SLC15A1: variants seen among roughly 807,000 people sequenced by gnomAD.
The protein encoded by SLC15A1 is solute carrier family 15 member 1.
SLC15A1 carries 83 observed loss-of-function variants against 92.9 expected under a neutral mutation model. That is an observed-to-expected ratio of 0.89 (90% CI 0.75 to 1.07). The LOEUF (loss-of-function observed/expected upper bound fraction) is 1.07. Among genes scored for constraint, SLC15A1 ranks in the 50% least tolerant of loss-of-function variants. SLC15A1 has a pLI of 0.00. For missense variants in SLC15A1, 857 were observed against 880.1 expected (o/e 0.97, Z 0.33); for synonymous variants, 322 against 318.2 (o/e 1.01, Z -0.13).
intron 1 of SLC15A1, among the ~76,000 whole-genome samples, chr13:98,728,993 AAAAAAAAAAAAAACAAC>A (rs1718165084): frequency 1.4e-5 from 2 of 147,038 alleles, no homozygotes; most frequent in Admixed American, 1.4e-4. Flanking sequence ...AAAAAAAAAA[AAAAAAAAAAAAAACAAC>A]AAGCCCCAAA....
rs748766815 is a variant in SLC15A1 at position 98,704,343 on chromosome 13, G to C, written c.1362C>G (p.Phe454Leu). 3 of 1,613,990 alleles carry C rather than the reference G, an allele frequency of 1.9e-6. No homozygotes were observed. The highest frequency in any genetic ancestry group is 4.5e-5 in the East Asian group (2 of 44,868). ...GAAGCGTGTGGCGTTGGCCCTGCTT[G>C]AAGTCGTCAGTTACAGCAGTGACTG... ...GSPVTAVTDDFKQGQRHTLLV... is the reference protein window; with the variant it reads ...GSPVTAVTDDLKQGQRHTLLV... Residue 454 changes from phenylalanine to leucine, a missense_variant, in exon 17 of 23, where the codon TTC becomes TTG. Phe to Leu is a conservative substitution (Grantham distance 22). Transcript: ENST00000376503.
chr13:98,704,618 C>T (rs760342520), intron 16 of SLC15A1, among the ~76,000 whole-genome samples, 183 bp from the exon 17 acceptor site: 36 of 152,196 alleles, frequency 2.4e-4, no homozygotes, highest in South Asian at 8.3e-4. Flanking sequence ...TTACAGACAC[C>T]GTCATGAGGT....
Position 98,715,933 on chromosome 13 carries a change from T to A in SLC15A1, c.668A>T (p.Tyr223Phe). 1 of 1,614,132 alleles carries A rather than the reference T, an allele frequency of 6.2e-7. No homozygotes were observed. The highest frequency in any genetic ancestry group is 8.5e-7 in the Non-Finnish European group (1 of 1,180,012). Residue 223 changes from tyrosine (Y) to phenylalanine (F), a missense_variant, in exon 9 of 23, where the codon TAC becomes TTC. By Grantham distance (22) the Tyr-to-Phe change is conservative. Transcript: ENST00000376503. The stretch of plus-strand genomic sequence containing the variant: ...GTTGCCCTGTGGCTTGAACTTCTTG[T>A]ACATCCCACTGCCAAGGACAAACAC... The part of the protein sequence containing the change: ...LIVFVLGSGM[Y>F]KKFKPQGNIM...
Position 98,726,449 on chromosome 13 carries a change from T to G in SLC15A1, c.22A>C (p.Ser8Arg), listed in dbSNP as rs368264683. ...ATGCTCAGGGGATAACCAAAGAAACTCTGACAAAAAAGAAACAAGCACAGG... is the reference window on the plus strand; with the variant it reads ...ATGCTCAGGGGATAACCAAAGAAACGCTGACAAAAAAGAAACAAGCACAGG... MGMSKSH[S>R]FFGYPLSIFF... Residue 8 changes from serine (S) to arginine (R), a missense_variant and splice_region_variant, in exon 3 of 23, where the codon AGT becomes CGT. Physicochemically the swap from Ser to Arg is moderately radical, Grantham distance 110 (BLOSUM62 -1). Coordinates refer to ENST00000376503, the MANE Select transcript of SLC15A1 (RefSeq NM_005073.4). The G allele has an allele frequency of 1.9e-6, 3 of 1,613,270 alleles. No individual in the cohort carries two copies. Among genetic ancestry groups the G allele is most frequent in the Non-Finnish European group, 2.5e-6 (3 of 1,179,608 alleles).
chr13:98,722,991 A>G (rs2088271709), intron 5 of SLC15A1, among the ~76,000 whole-genome samples: 1 of 152,220 alleles, frequency 6.6e-6, no homozygotes, highest in African/African-American at 2.4e-5. Flanking sequence ...TACTATTACA[A>G]CCAAGGAAAC....
At chr13:98,714,360 C>T (rs2088194019) in intron 9 of SLC15A1, among the ~76,000 whole-genome samples, 1 of 152,034 alleles carries the variant, frequency 6.6e-6, no homozygotes, top group African/African-American at 2.4e-5. Context: ...CAACACAATA[C>T]AACAATCTAA....
In SLC15A1 at chr13:98,704,482, C is replaced by G. The variant is rs781664717; in HGVS notation, c.1270-47G>C. 3 of 1,543,482 alleles carry G rather than the reference C, an allele frequency of 1.9e-6. No individual in the cohort carries two copies. The African/African-American group carries it at 4.2e-5, about 21-fold the overall frequency. ...CATAGTTAATATCACAGAGTCTCGG[C>G]ACTATGCAACTGAACGCTGGAAGAG... On this transcript the variant is annotated intron_variant, in intron 16 of 22. Transcript: ENST00000376503.
intron 18 of SLC15A1, among the ~76,000 whole-genome samples, chr13:98,692,136 CTTTTTT>C (rs528865683): frequency 0.17 from 11,183 of 64,816 alleles, 1,061 homozygotes; most frequent in Non-Finnish European, 0.29. Flanking sequence ...TTCTCCTAAA[CTTTTTT>C]TTTTTTTTTT....
intron 1 of SLC15A1, among the ~76,000 whole-genome samples, chr13:98,737,339 G>A (rs967620142): frequency 1.3e-5 from 2 of 152,174 alleles, no homozygotes; most frequent in African/African-American, 4.8e-5. Context: ...ACTGGGGCCT[G>A]TCATGGAGTG....
chr13:98,685,455 T>C (rs1303357479), intron 22 of SLC15A1, among the ~76,000 whole-genome samples: 1 of 152,096 alleles, frequency 6.6e-6, no homozygotes, highest in African/African-American at 2.4e-5. Flanking sequence ...AGTGTAAGTA[T>C]CAGTAGAGCC....
At chr13:98,704,811 T>G (rs2088098733) in intron 16 of SLC15A1, among the ~76,000 whole-genome samples, 2 of 152,194 alleles carry the variant, frequency 1.3e-5, no homozygotes, top group African/African-American at 4.8e-5. Context: ...TCGGGCTTTT[T>G]GTTTTTACCT....
intron 1 of SLC15A1, among the ~76,000 whole-genome samples, chr13:98,744,439 G>C (rs2088475589): frequency 6.6e-6 from 1 of 151,128 alleles, no homozygotes; most frequent in African/African-American, 2.4e-5. Context: ...CAAGTTTTCT[G>C]CCCACATGAT....
intron 18 of SLC15A1, among the ~76,000 whole-genome samples, chr13:98,692,979 T>G (rs1358752977): frequency 1.3e-5 from 2 of 151,440 alleles, no homozygotes; most frequent in African/African-American, 4.9e-5. Context: ...GTTCAAGCAC[T>G]CAGCCCACCT....
chr13:98,697,708 T>C (rs998999059), intron 18 of SLC15A1, among the ~76,000 whole-genome samples: 1 of 148,772 alleles, frequency 6.7e-6, no homozygotes, highest in African/African-American at 2.5e-5. Context: ...TGTGAGAATA[T>C]AAAAAGGCAA....
chr13:98,736,223 C>T (rs867547308), intron 1 of SLC15A1, among the ~76,000 whole-genome samples: 6 of 152,094 alleles, frequency 3.9e-5, no homozygotes, highest in South Asian at 2.1e-4. Flanking sequence ...ACAAACCTGA[C>T]AAAAACAAGA....
Position 98,724,043 on chromosome 13 carries a change from A to C in SLC15A1, c.246-12T>G. 1 of 1,613,854 alleles carries C rather than the reference A, an allele frequency of 6.2e-7. No individual in the cohort carries two copies. Among genetic ancestry groups the C allele is most frequent in the South Asian group, 1.1e-5 (1 of 91,032 alleles). On this transcript the variant is annotated splice_polypyrimidine_tract_variant and intron_variant, in intron 4 of 22. Transcript: ENST00000376503. Reference sequence around the variant, plus strand: ...GCGACACAATGGTCCTGTGTTTCCAAAGATTAAGAGAATCCGAGTTAATTG... The same window carrying C: ...GCGACACAATGGTCCTGTGTTTCCACAGATTAAGAGAATCCGAGTTAATTG...
intron 11 of SLC15A1, among the ~76,000 whole-genome samples, chr13:98,711,065 C>T (rs1593991661): frequency 1.3e-5 from 2 of 152,148 alleles, no homozygotes; most frequent in Non-Finnish European, 2.9e-5. Context: ...ACATCTCAAT[C>T]TCCTACTTAA....
intron 1 of SLC15A1, among the ~76,000 whole-genome samples, chr13:98,743,076 G>C (rs1427306037): frequency 1.3e-5 from 2 of 152,176 alleles, no homozygotes; most frequent in Non-Finnish European, 2.9e-5. Flanking sequence ...GTCCAGTCCA[G>C]ATTTCCTCTT....
intron 5 of SLC15A1, among the ~76,000 whole-genome samples, chr13:98,723,077 T>A (rs2088272737): frequency 6.6e-6 from 1 of 152,086 alleles, no homozygotes; most frequent in Non-Finnish European, 1.5e-5. Flanking sequence ...GGCTCCAAAG[T>A]CCATGTTCTT....
Sources: allele counts gnomAD v4.1 joint callset (sites outside exome capture counted in the v4.1 genomes callset), GRCh38; gene constraint gnomAD v4.1.1; transcripts MANE v1.5; gene names NCBI Gene and HGNC (gene_info 2026-07-23, HGNC 2026-07-21).